Variants in CHRM5 observed in about 807,000 individuals in gnomAD.
CHRM5 encodes cholinergic receptor muscarinic 5.
Under a neutral mutation model 39.0 loss-of-function variants are expected in CHRM5, and 18 were observed. That is an observed-to-expected ratio of 0.46 (90% CI 0.32 to 0.68). CHRM5 has a LOEUF of 0.68. Among genes scored for constraint, CHRM5 ranks in the 30% least tolerant of loss-of-function variants. CHRM5 has a pLI of 0.04. For missense variants in CHRM5, 515 were observed against 651.1 expected (o/e 0.79, Z 2.28); for synonymous variants, 241 against 246.3 (o/e 0.98, Z 0.20).
chr15:34,044,693 G>A (rs1412931332), intron 1 of CHRM5, among the ~76,000 whole-genome samples: 3 of 151,874 alleles, frequency 2.0e-5, no homozygotes, highest in African/African-American at 7.3e-5. Context: ...CAGTGTATGC[G>A]TTAAATGGGT....
intron 2 of CHRM5, among the ~76,000 whole-genome samples, chr15:34,056,037 G>T (rs991066840): frequency 6.6e-6 from 1 of 152,088 alleles, no homozygotes; most frequent in African/African-American, 2.4e-5. Flanking sequence ...ATTGTTATAC[G>T]TGTTTAACAG....
intron 2 of CHRM5, among the ~76,000 whole-genome samples, chr15:34,053,866 G>T (rs1900032993): frequency 6.6e-6 from 1 of 152,068 alleles, no homozygotes. Context: ...CACAGCAAAA[G>T]AAACTATCAT....
intron 1 of CHRM5, among the ~76,000 whole-genome samples, chr15:34,002,735 T>C (rs568329149): frequency 6.6e-6 from 1 of 152,352 alleles, no homozygotes; most frequent in East Asian, 1.9e-4. Flanking sequence ...AAAACATTTA[T>C]GTTTCTCAGA....
chr15:33,987,310 A>G (rs1896520496), intron 1 of CHRM5, among the ~76,000 whole-genome samples: 3 of 152,204 alleles, frequency 2.0e-5, no homozygotes, highest in Admixed American at 1.3e-4. Context: ...TTCATTTGAT[A>G]AACTAAGATC....
At chr15:34,003,241 G>A (rs1232049315) in intron 1 of CHRM5, 1 of 1,606,748 alleles carries the variant, frequency 6.2e-7, no homozygotes, top group East Asian at 2.2e-5. Flanking sequence ...CAATAAGTAA[G>A]CAGTGGAAAT....
At chr15:34,006,041 G>A (rs1341121252) in intron 1 of CHRM5, among the ~76,000 whole-genome samples, 1 of 152,220 alleles carries the variant, frequency 6.6e-6, no homozygotes, top group Non-Finnish European at 1.5e-5. Flanking sequence ...GCCAGGCACG[G>A]TGGCTCACAC....
chr15:34,046,445 T>G (rs1899686509), intron 1 of CHRM5, 95 bp from the exon 2 acceptor site: 1 of 151,946 alleles, frequency 6.6e-6, no homozygotes. Context: ...CAAGTGATTT[T>G]GGAAGGCAGA....
chr15:34,010,911 T>C (rs1182887251), intron 1 of CHRM5, among the ~76,000 whole-genome samples: 1 of 152,238 alleles, frequency 6.6e-6, no homozygotes, highest in Non-Finnish European at 1.5e-5. Flanking sequence ...ATATAATCAT[T>C]TGGACCATAA....
At chr15:33,981,496 G>A (rs116744315) in intron 1 of CHRM5, among the ~76,000 whole-genome samples, 1,608 of 152,174 alleles carry the variant, frequency 0.011, 31 homozygotes, top group African/African-American at 0.037. Flanking sequence ...TACTAAAAAT[G>A]GGGGGAAGGG....
In CHRM5 at chr15:34,062,691, T is replaced by C; in HGVS notation, c.-27T>C. 2 of 1,584,456 alleles carry C rather than the reference T, an allele frequency of 1.3e-6. No individual in the cohort carries two copies. The highest frequency in any genetic ancestry group is 1.7e-6 in the Non-Finnish European group (2 of 1,164,416). On this transcript the variant is annotated 5_prime_UTR_variant, in exon 3 of 3. Transcript: ENST00000383263. ...TAGAAAACAGCCTAGAACCTAACAC[T>C]ATTTACTGTAAAATTTTTGCACCAG...
intron 1 of CHRM5, among the ~76,000 whole-genome samples, chr15:34,020,164 A>C (rs2140711004): frequency 6.6e-6 from 1 of 152,216 alleles, no homozygotes; most frequent in East Asian, 1.9e-4. Flanking sequence ...ACAAAAAATT[A>C]GCCAGGCGTG....
intron 1 of CHRM5, among the ~76,000 whole-genome samples, chr15:34,017,249 G>C (rs1055896978): frequency 2.0e-5 from 3 of 152,044 alleles, no homozygotes; most frequent in Non-Finnish European, 4.4e-5. Context: ...CTAGAACTGA[G>C]CTCTCATACA....
chr15:33,974,167 A>G (rs1186489737), intron 1 of CHRM5, among the ~76,000 whole-genome samples: 3 of 152,238 alleles, frequency 2.0e-5, no homozygotes, highest in Non-Finnish European at 2.9e-5. Flanking sequence ...CGATAATCCA[A>G]AAGGATCTAA....
chr15:33,987,369 G>A (rs918318338), intron 1 of CHRM5, among the ~76,000 whole-genome samples: 1 of 152,140 alleles, frequency 6.6e-6, no homozygotes, highest in Non-Finnish European at 1.5e-5. Flanking sequence ...AAAGGGGAAG[G>A]GAAAGGGAAA....
chr15:34,057,131 G>T lies in CHRM5; in HGVS notation c.-75-5512G>T, dbSNP rs1285336857. On this transcript the variant is annotated intron_variant, in intron 2 of 2. Coordinates refer to ENST00000383263, the MANE Select transcript of CHRM5 (RefSeq NM_012125.4). ...TCATTCCTACCAGGAGAAGAGTTTTGGTTTTTTTTGGTTTTTTTTTTTAGG... is the reference window on the plus strand; with the variant it reads ...TCATTCCTACCAGGAGAAGAGTTTTTGTTTTTTTTGGTTTTTTTTTTTAGG... 3.0e-3 allele frequency among the ~76,000 whole-genome samples: 136 copies of T among 45,408 alleles called. 1 individual carries two copies. Among genetic ancestry groups the T allele is most frequent in the Non-Finnish European group, 9.2e-3 (62 of 6,726 alleles). The allele number at this position is 45,408 out of a possible 152,430, so 29.8% of individuals were successfully genotyped here.
chr15:33,984,594 G>C (rs1896340718), intron 1 of CHRM5, among the ~76,000 whole-genome samples: 1 of 152,022 alleles, frequency 6.6e-6, no homozygotes, highest in Non-Finnish European at 1.5e-5. Context: ...TAGAGACAGG[G>C]TTTCTCCATG....
At chr15:34,038,887 C>CACGG in intron 1 of CHRM5, 1 of 1,138,784 alleles carries the variant, frequency 8.8e-7, no homozygotes, top group African/African-American at 1.7e-5. Flanking sequence ...CGGCCACGGC[C>CACGG]ACGGCCCCGG....
rs150193582 is a variant in CHRM5, at chr15:33,999,580, T to G, written c.-408+30430T>G. 2.9e-3 allele frequency among the ~76,000 whole-genome samples: 445 copies of G among 152,296 alleles called. 2 individuals are homozygous for G. Among genetic ancestry groups the G allele is most frequent in the South Asian group, 0.013 (64 of 4,820 alleles). ...TGTTCAGACCCAAAACCTAGTGTCA[T>G]CCTTACGTATCTTTTTCTCTCATAC... On this transcript the variant is annotated intron_variant, in intron 1 of 2. Coordinates refer to ENST00000383263, the MANE Select transcript of CHRM5 (RefSeq NM_012125.4).
In CHRM5 at chr15:34,015,497, AT is replaced by A. The variant is rs888607226; in HGVS notation, c.-407-31042del. Among the ~76,000 whole-genome samples, 12 of 152,218 alleles carry A rather than the reference AT, an allele frequency of 7.9e-5. No homozygotes were observed. In the South Asian group the frequency reaches 2.3e-3, roughly 29 times the overall value. On this transcript the variant is annotated intron_variant, in intron 1 of 2. Coordinates refer to ENST00000383263, the MANE Select transcript of CHRM5 (RefSeq NM_012125.4). ...ACTCCATCTCAAAAAATAAAAAAAA[AT>A]AAAAAAATTCCACAAAATATCCAAA...
Sources: gnomAD v4.1 joint callset for allele counts (sites outside exome capture counted in the v4.1 genomes callset) on GRCh38, gnomAD v4.1.1 for gene constraint, MANE v1.5 for transcripts, NCBI Gene and HGNC (gene_info 2026-07-23, HGNC 2026-07-21) for gene names.